LETM2: variants seen among roughly 807,000 people sequenced by gnomAD.
The protein encoded by LETM2 is LETM1 domain-containing protein LETM2, mitochondrial.
In LETM2, 58 loss-of-function variants were observed where a neutral mutation model predicts 59.6. The observed-to-expected ratio is 0.97, with a 90% CI of 0.79 to 1.21. LETM2 has a LOEUF of 1.21. Among genes scored for constraint, LETM2 ranks in the 50% most tolerant of loss-of-function variants. LETM2 has a pLI of 0.00. For missense variants in LETM2, 572 were observed against 575.7 expected (o/e 0.99, Z 0.07); for synonymous variants, 199 against 214.1 (o/e 0.93, Z 0.62).
At chr8:38,397,166 C>T (rs1286079436) in intron 4 of LETM2, 2 of 443,696 alleles carry the variant, frequency 4.5e-6, no homozygotes, top group Non-Finnish European at 4.5e-6. Context: ...TATGAGAAGA[C>T]AAAAAGTGCA....
In LETM2 at chr8:38,409,477, A is replaced by G. The variant is rs1814011108; in HGVS notation, c.*1203A>G. 1.3e-5 allele frequency: 2 copies of G among 152,224 alleles called. No individual in the cohort carries two copies. Among genetic ancestry groups the G allele is most frequent in the African/African-American group, 2.4e-5 (1 of 41,460 alleles). 9.4% of individuals were successfully genotyped at this position (152,224 alleles called of 1,614,324 possible). A position where few individuals can be genotyped will look rare whatever the true frequency, so the allele number is the denominator to read the frequency against. On this transcript the variant is annotated 3_prime_UTR_variant, in exon 11 of 11. Coordinates refer to ENST00000379957, the MANE Select transcript of LETM2 (RefSeq NM_001286819.2). ...TCCCTACTGTGCACATACAGCAATC[A>G]TGGATCCTGCCTATCGAGGTGATTC...
intron 3 of LETM2, 187 bp downstream of exon 3, chr8:38,393,182 T>C (rs1812435661): frequency 1.7e-6 from 1 of 573,792 alleles, no homozygotes; most frequent in Admixed American, 3.3e-5. Context: ...TTCTGAAATT[T>C]GTTATATATT....
upstream of LETM2, chr8:38,383,414 C>T (rs140253168): frequency 6.6e-6 from 1 of 152,156 alleles, no homozygotes; most frequent in Admixed American, 6.5e-5. Flanking sequence ...AATGAGGAAA[C>T]CGATACTCTG....
chr8:38,402,666 G>A (rs1481676220), intron 7 of LETM2, 22 bp downstream of exon 7: 1 of 1,613,200 alleles, frequency 6.2e-7, no homozygotes, highest in Non-Finnish European at 8.5e-7. Context: ...CGCCCCTCTG[G>A]GGTCCTCTTC....
In LETM2 at chr8:38,407,375, T is replaced by C. The variant is rs773267715; in HGVS notation, c.1325T>C (p.Ile442Thr). 1.9e-5 allele frequency: 30 copies of C among 1,612,020 alleles called. No homozygotes were observed. The South Asian group carries it at 3.1e-4, about 17-fold the overall frequency. ...QLKGTKDEDF[I>T]QPPPVTSSPI... ...CTGATGTTTAAGGATGAAGACTTTATACAGCCGCCACCAGTTACATCATCA... is the reference window on the plus strand; with the variant it reads ...CTGATGTTTAAGGATGAAGACTTTACACAGCCGCCACCAGTTACATCATCA... Residue 442 changes from isoleucine to threonine, a missense_variant, in exon 10 of 11, where the codon ATA (isoleucine) becomes ACA (threonine). Coordinates refer to ENST00000379957, the MANE Select transcript of LETM2 (RefSeq NM_001286819.2).
intron 7 of LETM2, among the ~76,000 whole-genome samples, chr8:38,403,503 A>T (rs946125364): frequency 1.3e-5 from 2 of 152,264 alleles, no homozygotes; most frequent in African/African-American, 4.8e-5. Flanking sequence ...AAACCAGCAC[A>T]CACTGTGGTA....
rs141857881 is a variant in LETM2, at chr8:38,403,038, C to A, written c.1104+394C>A. ...TTGTTTCCCAGCTGGCTGTGAGCCCCGGGCTACTCTCAGCATCTAGTGGCC... is the reference window on the plus strand; with the variant it reads ...TTGTTTCCCAGCTGGCTGTGAGCCCAGGGCTACTCTCAGCATCTAGTGGCC... On this transcript the variant is annotated intron_variant, in intron 7 of 10. Transcript: ENST00000379957. 6.6e-5 allele frequency among the ~76,000 whole-genome samples: 10 copies of A among 152,076 alleles called. No homozygotes were observed. The East Asian group carries it at 1.7e-3, about 26-fold the overall frequency.
chr8:38,400,509 A>G, intron 5 of LETM2, 100 bp downstream of exon 5: 1 of 1,095,566 alleles, frequency 9.1e-7, no homozygotes, highest in Non-Finnish European at 1.3e-6. Context: ...CATCTTTGGA[A>G]TTGCAAATAT....
intron 6 of LETM2, 80 bp downstream of exon 6, chr8:38,401,133 G>A (rs567120673): frequency 4.2e-6 from 5 of 1,196,716 alleles, no homozygotes; most frequent in South Asian, 1.3e-5. Flanking sequence ...GAAGTGTGCA[G>A]TATTTTTTGT....
At chr8:38,406,277 A>T (rs984517203) in intron 8 of LETM2, among the ~76,000 whole-genome samples, 1 of 152,216 alleles carries the variant, frequency 6.6e-6, no homozygotes, top group Admixed American at 6.5e-5. Flanking sequence ...AAAAAGATGC[A>T]ACATAGACCA....
At chr8:38,385,323 A>AT (rs1412885611), upstream of LETM2, among the ~76,000 whole-genome samples, 3 of 152,236 alleles carry the variant, frequency 2.0e-5, no homozygotes, top group Non-Finnish European at 4.4e-5. Flanking sequence ...GTCAGCTCAC[A>AT]TGTCAGGAGA....
Position 38,406,983 on chromosome 8 carries a change from T to TCC in LETM2, c.1257_1258insCC (p.Thr420ProfsTer15). On this transcript the variant is annotated frameshift_variant, in exon 9 of 11. Transcript: ENST00000379957. LOFTEE classifies it high-confidence loss of function. ...GATATTCTTGTGGAATTACCTACTT[T>TCC]CACTGAATCTAAAGAGAACATGGTG... The TCC allele has an allele frequency of 1.9e-6, 3 of 1,612,264 alleles. No individual in the cohort carries two copies. The highest frequency in any genetic ancestry group is 2.5e-6 in the Non-Finnish European group (3 of 1,178,316).
At chr8:38,404,110 G>T (rs1280334124) in intron 7 of LETM2, among the ~76,000 whole-genome samples, 2 of 152,220 alleles carry the variant, frequency 1.3e-5, no homozygotes, top group African/African-American at 4.8e-5. Context: ...TTGTCCAACA[G>T]AAGATACTTG....
intron 2 of LETM2, 64 bp downstream of exon 2, chr8:38,388,094 TTTC>T: frequency 1.7e-6 from 2 of 1,171,730 alleles, no homozygotes; most frequent in Non-Finnish European, 2.4e-6. Flanking sequence ...TTTTTTTTTT[TTTC>T]TGAGATGGAG....
intron 10 of LETM2, 113 bp downstream of exon 10, chr8:38,407,576 C>CTGTT: frequency 1.4e-6 from 1 of 723,958 alleles, no homozygotes. Flanking sequence ...ACAATTCTTC[C>CTGTT]TGTTGTCCAA....
At chr8:38,404,831 T>G (rs1813585614) in intron 8 of LETM2, 2 of 204,636 alleles carry the variant, frequency 9.8e-6, no homozygotes, top group South Asian at 1.5e-4. Context: ...CATACAAAAA[T>G]TAGCTGGGCG....
chr8:38,396,450 C>T (rs1403481755), intron 4 of LETM2, among the ~76,000 whole-genome samples: 1 of 152,158 alleles, frequency 6.6e-6, no homozygotes, highest in Non-Finnish European at 1.5e-5. Context: ...AGACGTGAGC[C>T]ACTGCGCCAG....
In LETM2 at chr8:38,400,890, T is replaced by A. The variant is rs773622372; in HGVS notation, c.821T>A (p.Val274Asp). ...TGHKPSTKEI[V>D]RFSKLFEDQL... Reference sequence around the variant, plus strand: ...CACAAGCCCAGCACAAAGGAGATAGTTCGCTTCTCCAAACTATTTGAGGAC... The same window carrying A: ...CACAAGCCCAGCACAAAGGAGATAGATCGCTTCTCCAAACTATTTGAGGAC... The change falls in exon 6 of 11, where the codon GTT becomes GAT. Residue 274 changes from valine (V) to aspartate (D), a missense_variant. Coordinates refer to ENST00000379957, the MANE Select transcript of LETM2 (RefSeq NM_001286819.2). 19 of 1,614,090 alleles carry A rather than the reference T, an allele frequency of 1.2e-5. No individual in the cohort carries two copies. In the African/African-American group the frequency reaches 1.7e-4, roughly 15 times the overall value.
intron 6 of LETM2, among the ~76,000 whole-genome samples, chr8:38,402,004 T>C (rs1813270887): frequency 6.6e-6 from 1 of 152,130 alleles, no homozygotes; most frequent in Admixed American, 6.6e-5. Context: ...CTTAGAGCTT[T>C]GGAATAAACA....
Sources: allele counts gnomAD v4.1 joint callset (sites outside exome capture counted in the v4.1 genomes callset), GRCh38; gene constraint gnomAD v4.1.1; transcripts MANE v1.5; gene names NCBI Gene and HGNC (gene_info 2026-07-23, HGNC 2026-07-21).